MRPL54: variants seen among roughly 807,000 people sequenced by gnomAD.
MRPL54 encodes the protein large ribosomal subunit protein mL54.
Under a neutral mutation model 15.6 loss-of-function variants are expected in MRPL54, and 12 were observed. That is an observed-to-expected ratio of 0.77 (90% CI 0.49 to 1.24). The LOEUF (loss-of-function observed/expected upper bound fraction) is 1.24, where lower values mean the gene tolerates loss of function less well. MRPL54 is among the 50% of genes most tolerant of loss of function. MRPL54 has a pLI of 0.00. For missense variants in MRPL54, 178 were observed against 186.8 expected (o/e 0.95, Z 0.28); for synonymous variants, 91 against 75.7 (o/e 1.20, Z -1.05).
At position 3,765,207 on chromosome 19, in the gene MRPL54, G is replaced by A. The variant is rs372491783; in HGVS notation, c.160G>A (p.Glu54Lys). 14 of 1,613,474 alleles carry A rather than the reference G, an allele frequency of 8.7e-6. No individual in the cohort carries two copies. Among genetic ancestry groups the A allele is most frequent in the East Asian group, 2.2e-5 (1 of 44,838 alleles). ...ATCGGGAAAAGGTGCAGTGACCAGC[G>A]AGGCCCTCAAGGACCCCGACGTATG... ...AKSGKGAVTS[E>K]ALKDPDVCTD... The change falls in exon 2 of 3, where the codon GAG (glutamate) becomes AAG (lysine). Residue 54 changes from glutamate to lysine, a missense_variant. Physicochemically the swap from Glu to Lys is moderately conservative, Grantham distance 56 (BLOSUM62 1). Transcript: ENST00000330133.
At chr19:3,764,321 G>A (rs1297149196) in intron 1 of MRPL54, among the ~76,000 whole-genome samples, 1 of 152,030 alleles carries the variant, frequency 6.6e-6, no homozygotes, top group Admixed American at 6.5e-5. Context: ...CTGACCTCGT[G>A]ATCCGCCCAC....
At chr19:3,765,006 A>G (rs921301561) in intron 1 of MRPL54, among the ~76,000 whole-genome samples, 160 bp from the exon 2 acceptor site, 48 of 151,666 alleles carry the variant, frequency 3.2e-4, no homozygotes, top group Middle Eastern at 3.4e-3. Context: ...CCACCTGGGC[A>G]ACAGAGCGAG....
intron 1 of MRPL54, among the ~76,000 whole-genome samples, chr19:3,763,440 C>G (rs2037169873): frequency 6.6e-6 from 1 of 152,068 alleles, no homozygotes; most frequent in Non-Finnish European, 1.5e-5. Flanking sequence ...ATGTCCAAAT[C>G]CCACTTAAAG....
In MRPL54 at chr19:3,767,437, C is replaced by T. The variant is rs201467234; in HGVS notation, c.*44C>T. 24 of 1,592,974 alleles carry T rather than the reference C, an allele frequency of 1.5e-5. No homozygotes were observed. Among genetic ancestry groups the T allele is most frequent in the Admixed American group, 1.3e-4 (7 of 53,750 alleles). ...GCTGACCCCCACGCCGAGGGCTTGC[C>T]GTTTTCCCGGAGGACGTGGACTTTT... On this transcript the variant is annotated 3_prime_UTR_variant, in exon 3 of 3. Transcript: ENST00000330133.
At chr19:3,766,433 T>C (rs1349361167) in intron 2 of MRPL54, among the ~76,000 whole-genome samples, 2 of 151,800 alleles carry the variant, frequency 1.3e-5, no homozygotes, top group East Asian at 1.9e-4. Flanking sequence ...AGGCTGGTCT[T>C]GAACTCCTGA....
At chr19:3,763,680 G>T (rs1030994194) in intron 1 of MRPL54, among the ~76,000 whole-genome samples, 1 of 151,790 alleles carries the variant, frequency 6.6e-6, no homozygotes, top group South Asian at 2.1e-4. Flanking sequence ...TTGGGAGGCT[G>T]ATGCAGGTGG....
chr19:3,764,839 T>C (rs1385037762), intron 1 of MRPL54, among the ~76,000 whole-genome samples: 6 of 151,670 alleles, frequency 4.0e-5, no homozygotes, highest in South Asian at 2.1e-4. Context: ...CCATCCTGGC[T>C]AACACGGTGA....
rs756424817 is a variant in MRPL54, at chr19:3,762,765, T to C, written c.65T>C (p.Leu22Pro). 2 of 1,608,298 alleles carry C rather than the reference T, an allele frequency of 1.2e-6. No individual in the cohort carries two copies. Among genetic ancestry groups the C allele is most frequent in the East Asian group, 4.5e-5 (2 of 44,524 alleles). The change falls in exon 1 of 3, where the codon CTA becomes CCA. Residue 22 changes from leucine to proline, a missense_variant. Leu to Pro is a moderately conservative substitution (Grantham distance 98, BLOSUM62 -3). Transcript: ENST00000330133. The part of the protein sequence containing the change: ...TWAGWGAWEL[L>P]NPATSGRLLA... ...GCCGGCTGGGGGGCCTGGGAGCTCC[T>C]AAACCCCGCCACTTCCGGAAGACTC... is the stretch of plus-strand genomic sequence containing the variant.
At chr19:3,767,131 C>G in intron 2 of MRPL54, 130 bp from the exon 3 acceptor site, 1 of 1,254,010 alleles carries the variant, frequency 8.0e-7, no homozygotes, top group Non-Finnish European at 1.1e-6. Context: ...GGAGGGACCA[C>G]CCTGAGATCA....
At chr19:3,765,474 C>T (rs2037190614) in intron 2 of MRPL54, 143 bp downstream of exon 2, 3 of 817,740 alleles carry the variant, frequency 3.7e-6, no homozygotes, top group Middle Eastern at 3.5e-4. Context: ...CAGGGGGCTT[C>T]AGGGCTCTGC....
At chr19:3,763,615 T>TAA (rs60200777) in intron 1 of MRPL54, among the ~76,000 whole-genome samples, 23,277 of 145,234 alleles carry the variant, frequency 0.16, 2,024 homozygotes, top group East Asian at 0.37. Flanking sequence ...CCTGTTTGTA[T>TAA]AAAAAAAAAA....
rs997037500 is a variant in MRPL54 at position 3,765,599 on chromosome 19, A to T, written c.284+268A>T. 5.3e-5 allele frequency among the ~76,000 whole-genome samples: 8 copies of T among 152,104 alleles called. No individual in the cohort carries two copies. In the East Asian group the frequency reaches 5.8e-4, roughly 11 times the overall value. ...AATGCTTTATCTTAAGCAAATACTT[A>T]AAAAAAATTTTTTTTCAGGCTGGGC... On this transcript the variant is annotated intron_variant, in intron 2 of 2. Transcript: ENST00000330133.
chr19:3,765,346 CTG>C lies in MRPL54; in HGVS notation c.284+19_284+20del. On this transcript the variant is annotated intron_variant, in intron 2 of 2. Coordinates refer to ENST00000330133, the MANE Select transcript of MRPL54 (RefSeq NM_172251.3). Reference sequence around the variant, plus strand: ...TACCCTGAATGGTGAGTAGGCCAGGCTGTGTCATCCTGCAATGACTATTCCTT... The same window carrying C: ...TACCCTGAATGGTGAGTAGGCCAGGCTGTCATCCTGCAATGACTATTCCTT... 2 of 1,611,726 alleles carry C rather than the reference CTG, an allele frequency of 1.2e-6. No homozygotes were observed. The highest frequency in any genetic ancestry group is 1.1e-5 in the South Asian group (1 of 90,790).
At chr19:3,762,882 G>A in intron 1 of MRPL54, 64 bp downstream of exon 1, 2 of 1,314,760 alleles carry the variant, frequency 1.5e-6, no homozygotes, top group Admixed American at 2.4e-5. Flanking sequence ...ACAGTGCGCA[G>A]GCGGTGGTTG....
At position 3,762,706 on chromosome 19, in the gene MRPL54, G is replaced by A; in HGVS notation, c.6G>A (p.Ala2=). The A allele has an allele frequency of 6.2e-7, 1 of 1,611,216 alleles. No individual in the cohort carries two copies. The highest frequency in any genetic ancestry group is 2.3e-5 in the East Asian group (1 of 44,442). M[A]TKRLFGATRT... Reference sequence around the variant, plus strand: ...CAAGCTGCCCGCAATACGTCATGGCGACCAAACGCCTTTTCGGGGCTACCC... The same window carrying A: ...CAAGCTGCCCGCAATACGTCATGGCAACCAAACGCCTTTTCGGGGCTACCC... Residue 2 remains alanine (A), a synonymous_variant, in exon 1 of 3, where the codon GCG becomes GCA. Coordinates refer to ENST00000330133, the MANE Select transcript of MRPL54 (RefSeq NM_172251.3).
In MRPL54 at chr19:3,762,735, C is replaced by T; in HGVS notation, c.35C>T (p.Thr12Met). The T allele has an allele frequency of 6.2e-7, 1 of 1,611,384 alleles. No homozygotes were observed. Among genetic ancestry groups the T allele is most frequent in the East Asian group, 2.2e-5 (1 of 44,534 alleles). Reference sequence around the variant, plus strand: ...AAACGCCTTTTCGGGGCTACCCGGACGTGGGCCGGCTGGGGGGCCTGGGAG... The same window carrying T: ...AAACGCCTTTTCGGGGCTACCCGGATGTGGGCCGGCTGGGGGGCCTGGGAG... ...ATKRLFGATR[T>M]WAGWGAWELL... The change falls in exon 1 of 3, where the codon ACG becomes ATG. Residue 12 changes from threonine to methionine, a missense_variant. Transcript: ENST00000330133.
intron 1 of MRPL54, 123 bp downstream of exon 1, chr19:3,762,941 G>A (rs1437959578): frequency 2.5e-6 from 2 of 811,788 alleles, no homozygotes; most frequent in Non-Finnish European, 3.8e-6. Context: ...GCGGATGCCA[G>A]GCTGTATGCG....
In MRPL54 at chr19:3,767,297, G is replaced by T. The variant is rs2037206537; in HGVS notation, c.321G>T (p.Leu107=). ...FEMNLGPPKT[L]EELDPESREY... ...TGAACTTGGGTCCCCCAAAGACCCT[G>T]GAGGAGCTGGACCCCGAGAGCCGGG... is the stretch of plus-strand genomic sequence containing the variant. The change falls in exon 3 of 3, where the codon CTG becomes CTT. Residue 107 remains leucine, a synonymous_variant. Coordinates refer to ENST00000330133, the MANE Select transcript of MRPL54 (RefSeq NM_172251.3). 1 of 1,612,714 alleles carries T rather than the reference G, an allele frequency of 6.2e-7. No homozygotes were observed. The highest frequency in any genetic ancestry group is 8.5e-7 in the Non-Finnish European group (1 of 1,179,566).
At chr19:3,763,718 C>T (rs1417618507) in intron 1 of MRPL54, among the ~76,000 whole-genome samples, 2 of 152,044 alleles carry the variant, frequency 1.3e-5, no homozygotes, top group Admixed American at 1.3e-4. Flanking sequence ...TCAAGATCAG[C>T]CTGACCAACA....
Sources: allele counts gnomAD v4.1 joint callset (sites outside exome capture counted in the v4.1 genomes callset), GRCh38; gene constraint gnomAD v4.1.1; transcripts MANE v1.5; gene names NCBI Gene and HGNC (gene_info 2026-07-23, HGNC 2026-07-21).